Variants in UNKL observed in about 807,000 individuals in gnomAD.
UNKL encodes putative E3 ubiquitin-protein ligase UNKL.
A neutral mutation model predicts 78.0 loss-of-function variants in UNKL; 60 were observed. That is an observed-to-expected ratio of 0.77 (90% CI 0.63 to 0.95). UNKL has a LOEUF of 0.95. UNKL is among the 40% of genes least tolerant of loss of function. UNKL has a pLI of 0.00. For missense variants in UNKL, 1,159 were observed against 1,045.7 expected (o/e 1.11, Z -1.49); for synonymous variants, 608 against 474.8 (o/e 1.28, Z -3.65).
chr16:1,365,168 AT>A lies in UNKL; in HGVS notation c.*1071del, dbSNP rs906060292. On this transcript the variant is annotated 3_prime_UTR_variant, in exon 15 of 15. Transcript: ENST00000389221. ...GCTCTCACGCCAGGCCAATTTTTGT[AT>A]TTTTACTAAGACGGGGTTGCACCAT... is the stretch of plus-strand genomic sequence containing the variant. 1.3e-5 allele frequency: 2 copies of A among 151,740 alleles called. No homozygotes were observed. The highest frequency in any genetic ancestry group is 4.8e-5 in the African/African-American group (2 of 41,248). 9.4% of individuals were successfully genotyped at this position (151,740 alleles called of 1,614,324 possible).
chr16:1,394,505 C>A, intron 6 of UNKL: 1 of 595,990 alleles, frequency 1.7e-6, no homozygotes, highest in Non-Finnish European at 3.2e-6. Context: ...CTGAAAGATG[C>A]ACCAAATTCA....
At chr16:1,405,954 T>G (rs1420233718) in intron 2 of UNKL, 2 of 456,600 alleles carry the variant, frequency 4.4e-6, no homozygotes, top group Admixed American at 4.7e-5. Flanking sequence ...TTCTCGAGAC[T>G]GCGAGCCACA....
At chr16:1,376,076 C>G (rs115599598) in intron 10 of UNKL, among the ~76,000 whole-genome samples, 1 of 151,688 alleles carries the variant, frequency 6.6e-6, no homozygotes, top group African/African-American at 2.4e-5. Flanking sequence ...TCCCTCCTCC[C>G]TCCAGGGCTG....
At position 1,363,302 on chromosome 16, in the gene UNKL, CAA is replaced by C. The variant is rs2034981319; in HGVS notation, c.*2936_*2937del. 5.1e-6 allele frequency: 3 copies of C among 584,148 alleles called. No individual in the cohort carries two copies. The highest frequency in any genetic ancestry group is 1.9e-5 in the South Asian group (1 of 52,014). The allele number at this position is 584,148 out of a possible 1,614,324, so 36.2% of individuals were successfully genotyped here. A position where few individuals can be genotyped will look rare whatever the true frequency, so the allele number is the denominator to read the frequency against. ...ATGCTATAGTGTAAAAAAATTTAAA[CAA>C]GTGTTAACTTTAAACAGTTCGCTAC... is the stretch of plus-strand genomic sequence containing the variant. On this transcript the variant is annotated 3_prime_UTR_variant, in exon 15 of 15. Coordinates refer to ENST00000389221, the MANE Select transcript of UNKL (RefSeq NM_001372107.1).
chr16:1,405,956 C>T (rs1187226995), intron 2 of UNKL: 7 of 456,568 alleles, frequency 1.5e-5, no homozygotes, highest in Admixed American at 4.7e-5. Context: ...CTCGAGACTG[C>T]GAGCCACATG....
chr16:1,371,370 G>A (rs1336261838), intron 11 of UNKL, 149 bp downstream of exon 11: 11 of 722,390 alleles, frequency 1.5e-5, no homozygotes, highest in African/African-American at 3.5e-5. Context: ...CAGACACCGG[G>A]TCTTGCCCTG....
intron 4 of UNKL, 41 bp downstream of exon 4, chr16:1,401,524 CCCG>C: frequency 7.1e-7 from 1 of 1,404,176 alleles, no homozygotes; most frequent in Non-Finnish European, 9.6e-7. Context: ...TCGCGCTGTG[CCCG>C]CCCCCCCCAC....
At chr16:1,376,776 C>T (rs2036259807) in intron 10 of UNKL, among the ~76,000 whole-genome samples, 1 of 152,038 alleles carries the variant, frequency 6.6e-6, no homozygotes, top group Admixed American at 6.5e-5. Flanking sequence ...CCTATACGAA[C>T]GTCCTCATTT....
intron 9 of UNKL, among the ~76,000 whole-genome samples, chr16:1,389,731 G>A (rs946195481): frequency 6.6e-6 from 1 of 152,188 alleles, no homozygotes; most frequent in Non-Finnish European, 1.5e-5. Flanking sequence ...ATCTGCACCC[G>A]GGGGGCCTCA....
intron 12 of UNKL, chr16:1,369,830 C>G (rs1185404054): frequency 3.2e-6 from 3 of 949,954 alleles, no homozygotes; most frequent in Admixed American, 2.3e-5. Flanking sequence ...CAAAAACTAG[C>G]TGGGCGTGGT....
chr16:1,367,831 CA>C lies in UNKL; in HGVS notation c.1612del (p.Trp538GlyfsTer16). 6.4e-7 allele frequency: 1 copy of C among 1,573,848 alleles called. No homozygotes were observed. The highest frequency in any genetic ancestry group is 8.6e-7 in the Non-Finnish European group (1 of 1,160,760). On this transcript the variant is annotated frameshift_variant, in exon 13 of 15. Coordinates refer to ENST00000389221, the MANE Select transcript of UNKL (RefSeq NM_001372107.1). LOFTEE classifies it high-confidence loss of function. ...GGAGAAGCTGCCGGAAACAAAGTCC[CA>C]GATGCTCCCGGGGACACCGTTCAAA... ...LGLNGVPGSI[W>X]DFVSGSFSPS... is the part of the protein sequence containing the mutation.
rs745821179 is a variant in UNKL at position 1,370,136 on chromosome 16, G to C, written c.1579C>G (p.Pro527Ala). 25 of 1,525,520 alleles carry C rather than the reference G, an allele frequency of 1.6e-5. No homozygotes were observed. Among genetic ancestry groups the C allele is most frequent in the Admixed American group, 8.1e-5 (4 of 49,294 alleles). The allele number at this position is 1,525,520 out of a possible 1,614,324, so 94.5% of individuals were successfully genotyped here. A position where few individuals can be genotyped will look rare whatever the true frequency, so the allele number is the denominator to read the frequency against. Residue 527 changes from proline to alanine, a missense_variant, in exon 12 of 15, where the codon CCC (proline) becomes GCC (alanine). Physicochemically the swap from Pro to Ala is conservative, Grantham distance 27. Transcript: ENST00000389221. ...GGAGGGAGCCGGCACTCACCTAGGG[G>C]GCTGTAGGATGAGGCTGCAGAGCCC... ...TLGSAASSYS[P>A]LGLNGVPGSI...
chr16:1,390,807 A>G lies in UNKL; in HGVS notation c.1024-113T>C, dbSNP rs1397715471. On this transcript the variant is annotated intron_variant, in intron 8 of 14. Transcript: ENST00000389221. ...CACTTTGGGAGGCTGAGGCGGGCGG[A>G]TCATCTGAGCTCAGGAGTTCGAGAC... 3 of 1,149,184 alleles carry G rather than the reference A, an allele frequency of 2.6e-6. No individual in the cohort carries two copies. In the Admixed American group the frequency reaches 6.2e-5, roughly 24 times the overall value. The allele number at this position is 1,149,184 out of a possible 1,614,324, so 71.2% of individuals were successfully genotyped here.
chr16:1,414,605 G>T lies in UNKL; in HGVS notation c.77+10C>A. The T allele has an allele frequency of 1.9e-6, 2 of 1,048,108 alleles. No individual in the cohort carries two copies. Among genetic ancestry groups the T allele is most frequent in the Non-Finnish European group, 1.2e-6 (1 of 865,380 alleles). 64.9% of individuals were successfully genotyped at this position (1,048,108 alleles called of 1,614,324 possible). A position where few individuals can be genotyped will look rare whatever the true frequency, so the allele number is the denominator to read the frequency against. ...GCGGGCGGGGGGCCGCAGGCCGGAC[G>T]GGCGCTGACCTGTAGTGGGTCGGCT... On this transcript the variant is annotated intron_variant, in intron 1 of 14. Transcript: ENST00000389221.
Position 1,403,046 on chromosome 16 carries a change from A to G in UNKL, c.464+122T>C, listed in dbSNP as rs1268642020. Reference sequence around the variant, plus strand: ...GACTCAGAAAGAAATTCTGGAGGAGAGAGATTTGGGCCAGCAGAGCCTGCA... The same window carrying G: ...GACTCAGAAAGAAATTCTGGAGGAGGGAGATTTGGGCCAGCAGAGCCTGCA... On this transcript the variant is annotated intron_variant, in intron 3 of 14. Transcript: ENST00000389221. This position sits in a 1 kb window ranked among gnomAD's most constrained non-coding sequence, Gnocchi z 4.8. 8.2e-6 allele frequency: 10 copies of G among 1,223,398 alleles called. No homozygotes were observed. The highest frequency in any genetic ancestry group is 2.8e-4 in the Middle Eastern group (1 of 3,528). 75.8% of individuals were successfully genotyped at this position (1,223,398 alleles called of 1,614,324 possible).
At position 1,399,127 on chromosome 16, in the gene UNKL, G is replaced by C; in HGVS notation, c.734+247C>G. ...GTGCTCCGTCCCCTTGCCTGGCAGA[G>C]GGGCCCCGGTAGGGGACTGCATGGG... On this transcript the variant is annotated intron_variant, in intron 5 of 14. Transcript: ENST00000389221. This position sits in a 1 kb window ranked among gnomAD's most constrained non-coding sequence, Gnocchi z 5.8. 8.4e-7 allele frequency: 1 copy of C among 1,185,176 alleles called. No individual in the cohort carries two copies. Among genetic ancestry groups the C allele is most frequent in the African/African-American group, 1.5e-5 (1 of 64,530 alleles). 73.4% of individuals were successfully genotyped at this position (1,185,176 alleles called of 1,614,324 possible). A position where few individuals can be genotyped will look rare whatever the true frequency, so the allele number is the denominator to read the frequency against.
rs1272413459 is a variant in UNKL at position 1,387,756 on chromosome 16, A to T, written c.1087-2371T>A. ...GCTGCCCGGCCCTCCGGGGACGTGGACACTGCACCGCCGCACGGCTGCCCG... is the reference window on the plus strand; with the variant it reads ...GCTGCCCGGCCCTCCGGGGACGTGGTCACTGCACCGCCGCACGGCTGCCCG... On this transcript the variant is annotated intron_variant, in intron 9 of 14. Coordinates refer to ENST00000389221, the MANE Select transcript of UNKL (RefSeq NM_001372107.1). This position sits in a 1 kb window ranked among gnomAD's most constrained non-coding sequence, Gnocchi z 4.1. 6.6e-6 allele frequency among the ~76,000 whole-genome samples: 1 copy of T among 151,430 alleles called. No individual in the cohort carries two copies. The highest frequency in any genetic ancestry group is 1.5e-5 in the Non-Finnish European group (1 of 67,794).
chr16:1,403,221 G>A lies in UNKL; in HGVS notation c.411C>T (p.His137=). The A allele has an allele frequency of 1.2e-6, 2 of 1,614,110 alleles. No individual in the cohort carries two copies. The highest frequency in any genetic ancestry group is 1.7e-6 in the Non-Finnish European group (2 of 1,179,996). ...ARGHCVKNGL[H]CAFAHGPLDL... is the part of the protein sequence containing the mutation. ...CCAGGGGGCCGTGCGCGAAGGCACA[G>A]TGCAGCCCATTCTTCACGCAGTGGC... Residue 137 remains histidine (H), a synonymous_variant, in exon 3 of 15, where the codon CAC becomes CAT. Coordinates refer to ENST00000389221, the MANE Select transcript of UNKL (RefSeq NM_001372107.1). This position sits in a 1 kb window ranked among gnomAD's most constrained non-coding sequence, Gnocchi z 4.8.
chr16:1,390,621 G>T lies in UNKL; in HGVS notation c.1086+11C>A. ...TCAGGCACGAGGGTGGGAAACCTTG[G>T]GGGCCTGTACCTGCTTGCTGTCTTG... is the stretch of plus-strand genomic sequence containing the variant. On this transcript the variant is annotated intron_variant, in intron 9 of 14. Transcript: ENST00000389221. The T allele has an allele frequency of 6.5e-7, 1 of 1,535,922 alleles. No individual in the cohort carries two copies.
Sources: gnomAD v4.1 joint callset for allele counts (sites outside exome capture counted in the v4.1 genomes callset) on GRCh38, gnomAD v4.1.1 for gene constraint, Gnocchi (gnomAD v3.1) non-coding constraint, MANE v1.5 for transcripts, NCBI Gene and HGNC (gene_info 2026-07-23, HGNC 2026-07-21) for gene names.